The following KIAA0825 variants were observed in gnomAD, a reference collection of about 807,000 sequenced individuals.
The protein encoded by KIAA0825 is KIAA0825, also known as uncharacterized protein KIAA0825.
In KIAA0825, 119 loss-of-function variants were observed where a neutral mutation model predicts 147.6. The ratio of observed to expected loss-of-function variants is 0.81; its 90% CI spans 0.69 to 0.94. The LOEUF (loss-of-function observed/expected upper bound fraction) is 0.94, where lower values mean the gene tolerates loss of function less well. Ranked by LOEUF, KIAA0825 falls within the 40% of genes least tolerant of loss-of-function variation. The probability of loss-of-function intolerance (pLI) is 0.00; values close to 1 mark genes in which losing one functional copy is unlikely to be tolerated. For synonymous variants in KIAA0825, 470 were observed against 518.1 expected, an observed-to-expected ratio of 0.91 and a Z score of 1.26; for missense variants, 1,381 against 1,472.7, an observed-to-expected ratio of 0.94 and a Z score of 1.02.
chr5:94,471,702 G>A lies in KIAA0825; in HGVS notation c.1485C>T (p.Asp495=). ...KFCSDIMEKL[D]TMLPLALACR... is the part of the protein sequence containing the mutation. ...ATGCCAGAGCCAGTGGAAGCATTGT[G>A]TCAAGTTTTTCCATGATGTCAGAAC... Residue 495 remains aspartate (D), a synonymous_variant, in exon 9 of 21, where the codon GAC becomes GAT. Transcript: ENST00000682413. 6.4e-7 allele frequency: 1 copy of A among 1,552,312 alleles called. No individual in the cohort carries two copies. Among genetic ancestry groups the A allele is most frequent in the South Asian group, 1.2e-5 (1 of 84,064 alleles).
chr5:94,452,112 T>C (rs913145980), intron 13 of KIAA0825, among the ~76,000 whole-genome samples: 8 of 152,174 alleles, frequency 5.3e-5, no homozygotes, highest in African/African-American at 1.2e-4. Context: ...TAACAATACA[T>C]TGAGGTCCTT....
chr5:94,265,101 T>G (rs115278176), intron 20 of KIAA0825, among the ~76,000 whole-genome samples: 1 of 152,040 alleles, frequency 6.6e-6, no homozygotes, highest in Non-Finnish European at 1.5e-5. Context: ...CACATTTTAT[T>G]CTATAGGTTC....
At chr5:94,424,068 A>C (rs1488784582) in intron 14 of KIAA0825, among the ~76,000 whole-genome samples, 1 of 152,174 alleles carries the variant, frequency 6.6e-6, no homozygotes, top group African/African-American at 2.4e-5. Context: ...GAACCTAAGC[A>C]AACAGGCCTT....
intron 14 of KIAA0825, among the ~76,000 whole-genome samples, chr5:94,424,205 G>C (rs1754547432): frequency 6.6e-6 from 1 of 152,044 alleles, no homozygotes; most frequent in Non-Finnish European, 1.5e-5. Context: ...GAAGGCTCTT[G>C]TGTCATATAA....
chr5:94,386,047 T>A (rs747573740), intron 19 of KIAA0825, among the ~76,000 whole-genome samples, 195 bp downstream of exon 19: 9 of 152,126 alleles, frequency 5.9e-5, no homozygotes, highest in Non-Finnish European at 1.3e-4. Context: ...ACCAAACATA[T>A]GAATCAGTTT....
chr5:94,554,097 T>C (rs888488025), intron 2 of KIAA0825, among the ~76,000 whole-genome samples: 3 of 152,202 alleles, frequency 2.0e-5, no homozygotes, highest in Non-Finnish European at 2.9e-5. Context: ...CAGCAAGATA[T>C]TCTTCTATGG....
chr5:94,430,534 A>G (rs1470952497), intron 14 of KIAA0825, among the ~76,000 whole-genome samples: 1 of 152,210 alleles, frequency 6.6e-6, no homozygotes, highest in East Asian at 1.9e-4. Flanking sequence ...ATTTTTCTGT[A>G]TCTAATTTTT....
intron 2 of KIAA0825, among the ~76,000 whole-genome samples, chr5:94,581,028 G>A (rs1782066901): frequency 1.3e-5 from 2 of 150,548 alleles, no homozygotes; most frequent in South Asian, 2.1e-4. Flanking sequence ...TTATATAAAG[G>A]ACTACCAGAT....
intron 6 of KIAA0825, among the ~76,000 whole-genome samples, chr5:94,483,768 C>T (rs1324131836): frequency 6.6e-6 from 1 of 151,718 alleles, no homozygotes; most frequent in Non-Finnish European, 1.5e-5. Context: ...AAATCCAACC[C>T]TATAACTTTT....
At position 94,561,657 on chromosome 5, in the gene KIAA0825, A is replaced by G. The variant is rs1357700271; in HGVS notation, c.-2+20776T>C. Among the ~76,000 whole-genome samples, 3 of 152,356 alleles carry G rather than the reference A, an allele frequency of 2.0e-5. No individual in the cohort carries two copies. The East Asian group carries it at 5.8e-4, about 29-fold the overall frequency. On this transcript the variant is annotated intron_variant, in intron 2 of 20. Transcript: ENST00000682413. The stretch of plus-strand genomic sequence containing the variant: ...ATCATTTCACTACTCTGCTTAAATA[A>G]ATAAACACAGGATTTTCCACAATGC...
chr5:94,607,033 T>C (rs1235299216), intron 1 of KIAA0825, among the ~76,000 whole-genome samples: 7 of 152,232 alleles, frequency 4.6e-5, no homozygotes, highest in Non-Finnish European at 5.9e-5. Flanking sequence ...CACCTCCCAA[T>C]AGGAGGGGAC....
intron 20 of KIAA0825, among the ~76,000 whole-genome samples, chr5:94,187,425 A>G: frequency 8.7e-6 from 1 of 114,300 alleles, no homozygotes; most frequent in South Asian, 2.8e-4. Flanking sequence ...TTTTTTTTTA[A>G]TTTTTTTTTG....
intron 20 of KIAA0825, among the ~76,000 whole-genome samples, chr5:94,242,739 C>G (rs1047570861): frequency 6.6e-6 from 1 of 152,128 alleles, no homozygotes; most frequent in African/African-American, 2.4e-5. Flanking sequence ...GATTCTTCTG[C>G]CTCAGCCACC....
chr5:94,519,606 T>G (rs2151204042), intron 5 of KIAA0825: 1 of 590,794 alleles, frequency 1.7e-6, no homozygotes, highest in East Asian at 1.4e-4. Context: ...AAAATAGCTA[T>G]AGTAAAATGT....
In KIAA0825 at chr5:94,593,271, T is replaced by C. The variant is rs552766494; in HGVS notation, c.-152-10688A>G. 5.5e-5 allele frequency: 42 copies of C among 768,334 alleles called. 1 individual carries two copies. The highest frequency in any genetic ancestry group is 4.9e-6 in the Non-Finnish European group (2 of 411,956). 47.6% of individuals were successfully genotyped at this position (768,334 alleles called of 1,614,324 possible). On this transcript the variant is annotated intron_variant, in intron 1 of 20. Transcript: ENST00000682413. ...CTTGCTTAGCAGATCAGCATTTGTA[T>C]TTTAGTCCATTAATGGGAAAAATAG...
intron 14 of KIAA0825, among the ~76,000 whole-genome samples, chr5:94,428,145 G>T (rs1305203568): frequency 2.1e-3 from 20 of 9,440 alleles, no homozygotes; most frequent in African/African-American, 5.1e-3. Flanking sequence ...AGGTCTTGTT[G>T]TGTGTGTGTG....
chr5:94,502,765 G>T (rs1174866158), intron 5 of KIAA0825, among the ~76,000 whole-genome samples: 1 of 152,022 alleles, frequency 6.6e-6, no homozygotes, highest in East Asian at 1.9e-4. Flanking sequence ...CTAATATAAT[G>T]AAGTCTGCAA....
chr5:94,172,942 C>A (rs1451847929), intron 20 of KIAA0825, among the ~76,000 whole-genome samples: 2 of 152,072 alleles, frequency 1.3e-5, no homozygotes, highest in Non-Finnish European at 2.9e-5. Flanking sequence ...TGGCAGTGTG[C>A]TTGGCACATG....
intron 20 of KIAA0825, among the ~76,000 whole-genome samples, chr5:94,265,157 A>C (rs947844845): frequency 6.6e-6 from 1 of 152,152 alleles, no homozygotes; most frequent in African/African-American, 2.4e-5. Flanking sequence ...CAAAAATAAC[A>C]ATTTCATGTC....
Sources: allele counts gnomAD v4.1 joint callset (sites outside exome capture counted in the v4.1 genomes callset), GRCh38; gene constraint gnomAD v4.1.1; transcripts MANE v1.5; gene names NCBI Gene and HGNC (gene_info 2026-07-23, HGNC 2026-07-21).